The following TARBP1 variants were observed in gnomAD, a reference collection of about 807,000 sequenced individuals.
TARBP1 encodes tRNA guanosine 2 -O-methyltransferase TARBP1, also known as tRNA (guanosine(18)-2'-O)-methyltransferase TARBP1.
Under a neutral mutation model 178.6 loss-of-function variants are expected in TARBP1, and 144 were observed. The observed-to-expected ratio is 0.81, with a 90% CI of 0.70 to 0.93. The LOEUF (loss-of-function observed/expected upper bound fraction) is 0.93, where lower values mean the gene tolerates loss of function less well. TARBP1 is among the 40% of genes least tolerant of loss of function. The pLI is 0.00. For missense variants in TARBP1, 2,067 were observed against 2,011.7 expected (o/e 1.03, Z -0.53); for synonymous variants, 787 against 781.0 (o/e 1.01, Z -0.13).
intron 23 of TARBP1, among the ~76,000 whole-genome samples, chr1:234,410,147 C>A (rs1661650093): frequency 6.6e-6 from 1 of 152,144 alleles, no homozygotes; most frequent in Non-Finnish European, 1.5e-5. Context: ...CTAAGTAATC[C>A]TAATCCTAAG....
In TARBP1 at chr1:234,478,205, G is replaced by A; in HGVS notation, c.899C>T (p.Ala300Val). The change falls in exon 1 of 30, where the codon GCC (alanine) becomes GTC (valine). Residue 300 changes from alanine to valine, a missense_variant. Physicochemically the swap from Ala to Val is moderately conservative, Grantham distance 64 (BLOSUM62 0). Transcript: ENST00000040877. ...TTCCTGGGGCCCGCAGGTGCAGTCG[G>A]CCCCCAGCTCCGCCGACACCTCCAC... Reference protein sequence around the residue: ...RAVEVSAELGADCTCGPQEGN... With the variant: ...RAVEVSAELGVDCTCGPQEGN... 1 of 1,611,754 alleles carries A rather than the reference G, an allele frequency of 6.2e-7. No homozygotes were observed. Among genetic ancestry groups the A allele is most frequent in the Non-Finnish European group, 8.5e-7 (1 of 1,179,558 alleles).
intron 12 of TARBP1, among the ~76,000 whole-genome samples, chr1:234,439,609 T>C (rs953796558): frequency 9.9e-5 from 15 of 152,200 alleles, no homozygotes; most frequent in Non-Finnish European, 1.9e-4. Context: ...TTGAATCACC[T>C]GAGGTCAAGA....
chr1:234,460,536 A>C, intron 6 of TARBP1, 140 bp from the exon 7 acceptor site: 1 of 859,652 alleles, frequency 1.2e-6, no homozygotes, highest in Non-Finnish European at 1.8e-6. Context: ...TATAATCTAA[A>C]GGACAGACAA....
intron 3 of TARBP1, among the ~76,000 whole-genome samples, chr1:234,470,553 C>A (rs1294227761): frequency 7.8e-6 from 1 of 127,632 alleles, no homozygotes; most frequent in Non-Finnish European, 1.8e-5. Context: ...TCTCCATCAT[C>A]AACGGTTTAA....
chr1:234,420,028 G>GA (rs1662908697), intron 21 of TARBP1, among the ~76,000 whole-genome samples: 1 of 152,076 alleles, frequency 6.6e-6, no homozygotes. Context: ...TTTTTGCATT[G>GA]AAAAATGTTT....
chr1:234,470,498 T>C (rs772523869), intron 3 of TARBP1, among the ~76,000 whole-genome samples: 5 of 152,146 alleles, frequency 3.3e-5, no homozygotes, highest in Non-Finnish European at 5.9e-5. Context: ...AAGAGGGTGG[T>C]AGGTGCGTCA....
chr1:234,448,422 C>T (rs1666398078), intron 11 of TARBP1, 58 bp downstream of exon 11: 2 of 1,459,592 alleles, frequency 1.4e-6, no homozygotes, highest in African/African-American at 2.8e-5. Context: ...GAATACACAT[C>T]ATAATTCTCA....
intron 20 of TARBP1, among the ~76,000 whole-genome samples, chr1:234,425,061 CAA>C (rs200260687): frequency 1.6e-5 from 2 of 128,448 alleles, no homozygotes. Context: ...AACTCCGTCT[CAA>C]AAAAAAAAAA....
chr1:234,441,432 T>G (rs191318761), intron 12 of TARBP1, among the ~76,000 whole-genome samples: 3 of 152,276 alleles, frequency 2.0e-5, no homozygotes, highest in Admixed American at 2.0e-4. Flanking sequence ...AAAACTACAG[T>G]AACCAAAACC....
chr1:234,436,129 A>T (rs1347769579), intron 13 of TARBP1, among the ~76,000 whole-genome samples: 1 of 152,244 alleles, frequency 6.6e-6, no homozygotes, highest in African/African-American at 2.4e-5. Flanking sequence ...AAGTAACATC[A>T]AGCTCTCCCT....
Position 234,474,956 on chromosome 1 carries a change from G to A in TARBP1, c.932-2145C>T, listed in dbSNP as rs1571893920. 6.6e-5 allele frequency among the ~76,000 whole-genome samples: 10 copies of A among 152,286 alleles called. No individual in the cohort carries two copies. The South Asian group carries it at 2.1e-3, about 32-fold the overall frequency. ...AAAGGAAGGAAGGCGCTCCAAGAAT[G>A]GAAAGGCCACTTATCTGTTCTACTT... is the stretch of plus-strand genomic sequence containing the variant. On this transcript the variant is annotated intron_variant, in intron 1 of 29. Coordinates refer to ENST00000040877, the MANE Select transcript of TARBP1 (RefSeq NM_005646.4).
chr1:234,472,312 G>A (rs1032509875), intron 2 of TARBP1, among the ~76,000 whole-genome samples: 1 of 114,412 alleles, frequency 8.7e-6, no homozygotes, highest in Non-Finnish European at 1.6e-5. Context: ...CTGGGCGAGA[G>A]AGCAAGACTC....
In TARBP1 at chr1:234,479,054, C is replaced by CG. The variant is rs767143840; in HGVS notation, c.49dup (p.Arg17ProfsTer106). On this transcript the variant is annotated frameshift_variant, in exon 1 of 30. Coordinates refer to ENST00000040877, the MANE Select transcript of TARBP1 (RefSeq NM_005646.4). LOFTEE classifies it high-confidence loss of function. ...TTGGCACAGCGCCCCAAGCAGGGCC[C>CG]GGGGGTCCCGGCTCTGCGAGAGCAG... 42 of 1,539,416 alleles carry CG rather than the reference C, an allele frequency of 2.7e-5. No homozygotes were observed. Among genetic ancestry groups the CG allele is most frequent in the Non-Finnish European group, 3.2e-5 (37 of 1,156,140 alleles).
chr1:234,432,538 G>C (rs926373051), intron 14 of TARBP1, among the ~76,000 whole-genome samples: 4 of 152,126 alleles, frequency 2.6e-5, no homozygotes, highest in African/African-American at 9.7e-5. Flanking sequence ...AAGAGCAACA[G>C]GAAGATGAAA....
intron 12 of TARBP1, among the ~76,000 whole-genome samples, chr1:234,439,170 A>G (rs920573403): frequency 6.6e-6 from 1 of 152,242 alleles, no homozygotes; most frequent in South Asian, 2.1e-4. Context: ...GAAATTTGGA[A>G]TATCAGGAAC....
intron 20 of TARBP1, among the ~76,000 whole-genome samples, chr1:234,422,662 T>A (rs374751125): frequency 6.6e-6 from 1 of 152,092 alleles, no homozygotes; most frequent in East Asian, 1.9e-4. Context: ...ATGAATAAGA[T>A]CTAGTATTTC....
rs1669827490 is a variant in TARBP1 at position 234,478,673 on chromosome 1, A to G, written c.431T>C (p.Leu144Pro). 3.2e-6 allele frequency: 4 copies of G among 1,247,538 alleles called. No homozygotes were observed. Among genetic ancestry groups the G allele is most frequent in the Middle Eastern group, 3.2e-4 (1 of 3,172 alleles). 77.3% of individuals were successfully genotyped at this position (1,247,538 alleles called of 1,614,324 possible). ...APGAEAAVEV[L>P]AAVGPCLRPR... ...CCGCAAACATGGCCCGACGGCTGCTAGCACTTCCACGGCAGCCTCGGCGCC... is the reference window on the plus strand; with the variant it reads ...CCGCAAACATGGCCCGACGGCTGCTGGCACTTCCACGGCAGCCTCGGCGCC... Residue 144 changes from leucine (L) to proline (P), a missense_variant, in exon 1 of 30, where the codon CTA becomes CCA. Physicochemically the swap from Leu to Pro is moderately conservative, Grantham distance 98 (BLOSUM62 -3). Coordinates refer to ENST00000040877, the MANE Select transcript of TARBP1 (RefSeq NM_005646.4).
chr1:234,425,732 C>T lies in TARBP1; in HGVS notation c.3385G>A (p.Gly1129Ser). ...CAVKFLCLLD[G>S]SNMSHKLFIE... ...AACAACTTGTGGGACATATTGGAGCCATCTAATAAACACAGGAATTTGACA... is the reference window on the plus strand; with the variant it reads ...AACAACTTGTGGGACATATTGGAGCTATCTAATAAACACAGGAATTTGACA... Residue 1129 changes from glycine to serine, a missense_variant, in exon 20 of 30, where the codon GGC becomes AGC. Physicochemically the swap from Gly to Ser is moderately conservative, Grantham distance 56 (BLOSUM62 0). Coordinates refer to ENST00000040877, the MANE Select transcript of TARBP1 (RefSeq NM_005646.4). 6.2e-7 allele frequency: 1 copy of T among 1,610,450 alleles called. No homozygotes were observed. The highest frequency in any genetic ancestry group is 2.2e-5 in the East Asian group (1 of 44,792).
chr1:234,393,445 C>G lies in TARBP1; in HGVS notation c.4477G>C (p.Val1493Leu), dbSNP rs534784525. The G allele has an allele frequency of 6.2e-7, 1 of 1,609,870 alleles. No individual in the cohort carries two copies. The highest frequency in any genetic ancestry group is 1.3e-5 in the African/African-American group (1 of 74,752). Residue 1493 changes from valine (V) to leucine (L), a missense_variant, in exon 28 of 30, where the codon GTT (valine) becomes CTT (leucine). By Grantham distance (32) the Val-to-Leu change is conservative (BLOSUM62 1). Coordinates refer to ENST00000040877, the MANE Select transcript of TARBP1 (RefSeq NM_005646.4). ...CTGATACACTGAAGGCTGCCAACAA[C>G]GAGCACTGAAGCCCCAAATACCTCA... is the stretch of plus-strand genomic sequence containing the variant. ...TCEVFGASVL[V>L]VGSLQCISDK... is the part of the protein sequence containing the mutation.
Sources: allele counts gnomAD v4.1 joint callset (sites outside exome capture counted in the v4.1 genomes callset), GRCh38; gene constraint gnomAD v4.1.1; transcripts MANE v1.5; gene names NCBI Gene and HGNC (gene_info 2026-07-23, HGNC 2026-07-21).